SPATA13: variants seen among roughly 807,000 people sequenced by gnomAD.
SPATA13 encodes spermatogenesis-associated protein 13.
SPATA13 carries 50 observed loss-of-function variants against 104.0 expected under a neutral mutation model. The ratio of observed to expected loss-of-function variants is 0.48; its 90% CI spans 0.38 to 0.61. The LOEUF (loss-of-function observed/expected upper bound fraction) is 0.61, where lower values mean the gene tolerates loss of function less well. Among genes scored for constraint, SPATA13 ranks in the 20% least tolerant of loss-of-function variants. The pLI, the probability that SPATA13 is intolerant of heterozygous loss-of-function variation, is 0.00. For missense variants in SPATA13, 1,524 were observed against 1,690.6 expected (o/e 0.90, Z 1.73); for synonymous variants, 606 against 667.5 (o/e 0.91, Z 1.42).
rs1870428131 is a variant in SPATA13 at position 24,201,894 on chromosome 13, T to G, written c.-111-20925T>G. Among the ~76,000 whole-genome samples, 2 of 152,226 alleles carry G rather than the reference T, an allele frequency of 1.3e-5. 1 individual carries two copies. Among genetic ancestry groups the G allele is most frequent in the Non-Finnish European group, 2.9e-5 (2 of 68,044 alleles). On this transcript the variant is annotated intron_variant, in intron 1 of 12. Transcript: ENST00000382108. ...CCACCCAGCCTTTGGCAACCACTGA[T>G]CTTTTTAGTCTCCATAGTTTTGCCT...
intron 3 of SPATA13, among the ~76,000 whole-genome samples, chr13:24,129,152 G>A (rs933125310): frequency 5.3e-5 from 8 of 152,234 alleles, no homozygotes; most frequent in Non-Finnish European, 1.0e-4. Flanking sequence ...CAAAGTCCAG[G>A]TGGTGTGGGC....
intron 2 of SPATA13, among the ~76,000 whole-genome samples, chr13:23,995,735 AT>A (rs1875653755): frequency 6.6e-6 from 1 of 152,214 alleles, no homozygotes; most frequent in Non-Finnish European, 1.5e-5. Flanking sequence ...TAATTAATGT[AT>A]TGATTTGCAA....
At chr13:23,999,443 G>T (rs919009280) in intron 2 of SPATA13, among the ~76,000 whole-genome samples, 1 of 140,048 alleles carries the variant, frequency 7.1e-6, no homozygotes, top group African/African-American at 2.6e-5. Context: ...AATTTGAGAA[G>T]ATTTGGCATA....
In SPATA13 at chr13:24,068,466, C is replaced by T. The variant is rs1011059271; in HGVS notation, c.-112+50765C>T. 4.6e-5 allele frequency among the ~76,000 whole-genome samples: 7 copies of T among 152,130 alleles called. No homozygotes were observed. In the East Asian group the frequency reaches 1.3e-3, roughly 29 times the overall value. ...ACGTGCTTGTGTCTTTATAATAGAA[C>T]AATTTATATTCCTTTGGGTATGTGC... is the stretch of plus-strand genomic sequence containing the variant. On this transcript the variant is annotated intron_variant, in intron 3 of 14. Coordinates refer to the SPATA13 transcript ENST00000424834.
intron 3 of SPATA13, among the ~76,000 whole-genome samples, chr13:24,063,304 C>T (rs968693472): frequency 6.6e-6 from 1 of 152,138 alleles, no homozygotes; most frequent in Admixed American, 6.5e-5. Context: ...TTTTAATTGA[C>T]AAATAAAAAT....
chr13:24,228,303 G>A (rs1212366532), intron 2 of SPATA13, among the ~76,000 whole-genome samples: 1 of 151,976 alleles, frequency 6.6e-6, no homozygotes, highest in African/African-American at 2.4e-5. Flanking sequence ...TTTTAGTAGA[G>A]ACGGAGTTTT....
rs566781366 is a variant in SPATA13 at position 24,154,879 on chromosome 13, C to T, written c.-111-67940C>T. Among the ~76,000 whole-genome samples the T allele has an allele frequency of 6.8e-4, 104 of 152,270 alleles. 1 individual carries two copies. Among genetic ancestry groups the T allele is most frequent in the African/African-American group, 2.3e-3 (94 of 41,558 alleles). On this transcript the variant is annotated intron_variant, in intron 3 of 14. Coordinates refer to the SPATA13 transcript ENST00000424834. ...CCAGTTTTGTTTGTTTGTTTTGAGA[C>T]GGAGTTTTGCTCTTGTTGCCCAGGC... is the stretch of plus-strand genomic sequence containing the variant.
At chr13:24,122,423 C>A (rs1462882950) in intron 3 of SPATA13, 1 of 1,593,638 alleles carries the variant, frequency 6.3e-7, no homozygotes, top group Non-Finnish European at 8.6e-7. Flanking sequence ...TCCGCATCAT[C>A]TTCTTACCAG....
Position 24,082,592 on chromosome 13 carries a change from G to A in SPATA13, c.-112+64891G>A, listed in dbSNP as rs939812561. Among the ~76,000 whole-genome samples the A allele has an allele frequency of 2.6e-5, 4 of 151,228 alleles. 1 individual carries two copies. The highest frequency in any genetic ancestry group is 7.3e-5 in the African/African-American group (3 of 41,176). ...TCCCAGCACTTTGGGAGGCCGAGGCGGGTGGATCATGAGGTCAGGAGATCG... is the reference window on the plus strand; with the variant it reads ...TCCCAGCACTTTGGGAGGCCGAGGCAGGTGGATCATGAGGTCAGGAGATCG... On this transcript the variant is annotated intron_variant, in intron 3 of 14. Transcript: ENST00000424834.
intron 4 of SPATA13, among the ~76,000 whole-genome samples, chr13:24,260,442 G>A (rs1423392771): frequency 1.3e-5 from 2 of 152,224 alleles, no homozygotes; most frequent in East Asian, 1.9e-4. Context: ...GGTCCCACAA[G>A]TAGAGTTGTA....
Position 24,048,503 on chromosome 13 carries a change from G to A in SPATA13, c.-112+30802G>A, listed in dbSNP as rs147690985. Among the ~76,000 whole-genome samples, 46 of 151,838 alleles carry A rather than the reference G, an allele frequency of 3.0e-4. No individual in the cohort carries two copies. In the East Asian group the frequency reaches 7.5e-3, roughly 25 times the overall value. On this transcript the variant is annotated intron_variant, in intron 3 of 14. Transcript: ENST00000424834. ...AAGAGGATCTTACATTCATAATTTC[G>A]TGTAATAATACATATAAAATTTACA...
chr13:24,190,366 T>TA (rs539589640), intron 1 of SPATA13, among the ~76,000 whole-genome samples: 491 of 11,990 alleles, frequency 0.041, 126 homozygotes, highest in African/African-American at 0.042. Flanking sequence ...TATTATTATA[T>TA]ATAATATATA....
chr13:24,174,496 T>C (rs1012177494), intron 1 of SPATA13, among the ~76,000 whole-genome samples: 3 of 152,158 alleles, frequency 2.0e-5, no homozygotes, highest in Admixed American at 2.0e-4. Context: ...CTGCTTTCGC[T>C]ATATTCCACA....
At chr13:24,220,165 C>T (rs1017612613) in intron 1 of SPATA13, among the ~76,000 whole-genome samples, 2 of 152,166 alleles carry the variant, frequency 1.3e-5, no homozygotes, top group African/African-American at 2.4e-5. Context: ...AATGTTGGTA[C>T]CTCTTCCTCT....
At chr13:24,027,512 A>G (rs528628053) in intron 3 of SPATA13, among the ~76,000 whole-genome samples, 1 of 152,116 alleles carries the variant, frequency 6.6e-6, no homozygotes, top group East Asian at 1.9e-4. Context: ...TTTACTTCCT[A>G]ATTTCTGTGT....
intron 3 of SPATA13, among the ~76,000 whole-genome samples, chr13:24,144,805 T>C (rs9580888): frequency 0.28 from 42,546 of 152,118 alleles, 6,885 homozygotes; most frequent in African/African-American, 0.45. Context: ...CAGTACGGTA[T>C]GCTGAGCAAA....
At chr13:24,105,621 TTAGAA>T (rs748561174) in intron 3 of SPATA13, among the ~76,000 whole-genome samples, 8 of 151,982 alleles carry the variant, frequency 5.3e-5, no homozygotes, top group Non-Finnish European at 1.2e-4. Context: ...AGGATGTGCT[TTAGAA>T]TAGAAATGGA....
chr13:24,138,026 C>T (rs369840337), intron 3 of SPATA13, among the ~76,000 whole-genome samples: 3 of 151,910 alleles, frequency 2.0e-5, no homozygotes, highest in Non-Finnish European at 2.9e-5. Flanking sequence ...CTGGGCCAGG[C>T]GTAGTGGCTC....
rs1013215298 is a variant in SPATA13, at chr13:24,223,776, G to A, written c.847G>A (p.Ala283Thr). The A allele has an allele frequency of 1.0e-5, 16 of 1,551,846 alleles. No homozygotes were observed. Among genetic ancestry groups the A allele is most frequent in the Middle Eastern group, 1.7e-4 (1 of 5,992 alleles). The change falls in exon 2 of 13, where the codon GCA becomes ACA. Residue 283 changes from alanine to threonine, a missense_variant. Physicochemically the swap from Ala to Thr is moderately conservative, Grantham distance 58. Coordinates refer to ENST00000382108, the MANE Select transcript of SPATA13 (RefSeq NM_001166271.3). ...TGCAGACCTCAGGACGGCCCATGAC[G>A]CACGGGTACCACAGAGGACCCTGAG... ...NLADLRTAHD[A>T]RVPQRTLSSS...
Sources: allele counts gnomAD v4.1 joint callset (sites outside exome capture counted in the v4.1 genomes callset), GRCh38; gene constraint gnomAD v4.1.1; transcripts MANE v1.5; gene names NCBI Gene and HGNC (gene_info 2026-07-23, HGNC 2026-07-21).